The following MCF2 variants were observed in gnomAD, a reference collection of about 807,000 sequenced individuals.
The protein encoded by MCF2 is MCF.2 cell line derived transforming sequence.
MCF2 carries 44 observed loss-of-function variants against 82.5 expected under a neutral mutation model. The ratio of observed to expected loss-of-function variants is 0.53; its 90% CI spans 0.42 to 0.69. The LOEUF is 0.69. Among genes scored for constraint, MCF2 ranks in the 30% least tolerant of loss-of-function variants. The probability of loss-of-function intolerance (pLI) is 0.00; values close to 1 mark genes in which losing one functional copy is unlikely to be tolerated. For missense variants in MCF2, 623 were observed against 663.1 expected, an observed-to-expected ratio of 0.94 and a Z score of 0.66; for synonymous variants, 217 against 224.9, an observed-to-expected ratio of 0.96 and a Z score of 0.32.
chrX:139,631,828 G>A (rs958991473), intron 2 of MCF2, among the ~76,000 whole-genome samples: 1 of 111,481 alleles, frequency 9.0e-6, no homozygotes, highest in Non-Finnish European at 1.9e-5. Flanking sequence ...CAAAGAAAAG[G>A]ACTTTATGTA....
chrX:139,676,677 T>C (rs113424892), intron 1 of MCF2, among the ~76,000 whole-genome samples: 15 of 112,130 alleles, frequency 1.3e-4, no homozygotes, highest in Non-Finnish European at 2.4e-4. Flanking sequence ...CACAGGGTTA[T>C]TGTAATGAAT....
At chrX:139,596,058 T>C (rs1930063917) in intron 19 of MCF2, among the ~76,000 whole-genome samples, 1 of 111,386 alleles carries the variant, frequency 9.0e-6, no homozygotes, top group Non-Finnish European at 1.9e-5. Context: ...AGGGTGGAGC[T>C]AGGGAGTGGA....
chrX:139,701,020 A>C (rs746219393), intron 1 of MCF2, among the ~76,000 whole-genome samples: 1 of 111,642 alleles, frequency 9.0e-6, no homozygotes, highest in South Asian at 3.8e-4. Flanking sequence ...AGATCCACTC[A>C]TTATCGAAGG....
chrX:139,701,803 A>G (rs1935504286), intron 1 of MCF2, among the ~76,000 whole-genome samples: 1 of 112,794 alleles, frequency 8.9e-6, no homozygotes, highest in Non-Finnish European at 1.9e-5. Context: ...ATATACATGT[A>G]CAAATTTTAC....
At chrX:139,622,892 T>C (rs767132482) in intron 6 of MCF2, among the ~76,000 whole-genome samples, 4 of 108,187 alleles carry the variant, frequency 3.7e-5, no homozygotes, top group Non-Finnish European at 7.7e-5. Context: ...AATAATAAAA[T>C]AAAAAAAAAC....
At chrX:139,675,153 T>C (rs1410816705) in intron 1 of MCF2, among the ~76,000 whole-genome samples, 1 of 112,418 alleles carries the variant, frequency 8.9e-6, no homozygotes, top group Admixed American at 9.4e-5. Flanking sequence ...TCTTATGCCA[T>C]GGTTTTCAGC....
intron 1 of MCF2, among the ~76,000 whole-genome samples, chrX:139,656,833 A>G (rs1286128901): frequency 8.9e-6 from 1 of 112,279 alleles, no homozygotes; most frequent in Admixed American, 9.4e-5. Flanking sequence ...TTTTAAATGC[A>G]TTCACTTAGA....
intron 1 of MCF2, among the ~76,000 whole-genome samples, chrX:139,690,338 GT>G (rs145515088): frequency 9.2e-5 from 7 of 75,734 alleles, no homozygotes; most frequent in African/African-American, 2.0e-4. Flanking sequence ...CTCCAAAGGA[GT>G]TTTTTTTTTT....
intron 1 of MCF2, among the ~76,000 whole-genome samples, chrX:139,691,630 G>A (rs1183297271): frequency 9.1e-6 from 1 of 109,622 alleles, no homozygotes; most frequent in Middle Eastern, 4.3e-3. Flanking sequence ...GCTGAGACCA[G>A]AGCTGCACGC....
chrX:139,642,576 T>C, exon 1 of MCF2: 2 of 1,209,724 alleles, frequency 1.7e-6, no homozygotes, highest in Non-Finnish European at 2.2e-6. Context: ...GTTGATGAAA[T>C]ACGAGCTGCT....
intron 1 of MCF2, among the ~76,000 whole-genome samples, chrX:139,652,859 G>C (rs181903325): frequency 1.3e-4 from 14 of 108,456 alleles, no homozygotes; most frequent in Middle Eastern, 9.3e-3. Context: ...GGTTTATAAA[G>C]GACAATCCTC....
intron 15 of MCF2, among the ~76,000 whole-genome samples, chrX:139,603,845 A>T (rs1930760209): frequency 9.0e-6 from 1 of 111,186 alleles, no homozygotes; most frequent in African/African-American, 3.3e-5. Flanking sequence ...AAATAAAAAT[A>T]AAAAAATAAA....
chrX:139,584,914 A>G, intron 24 of MCF2, 152 bp downstream of exon 28: 1 of 362,147 alleles, frequency 2.8e-6, no homozygotes, highest in East Asian at 4.4e-5. Flanking sequence ...GTGCTTCCTG[A>G]TGTTCATAAT....
intron 12 of MCF2, among the ~76,000 whole-genome samples, chrX:139,606,112 A>G (rs1437632019): frequency 9.3e-6 from 1 of 106,966 alleles, no homozygotes; most frequent in Non-Finnish European, 1.9e-5. Context: ...TTTCTAACTC[A>G]CTGAGATTAG....
chrX:139,671,157 G>T (rs1217594110), intron 1 of MCF2, among the ~76,000 whole-genome samples: 5 of 111,886 alleles, frequency 4.5e-5, no homozygotes, highest in Non-Finnish European at 7.5e-5. Context: ...TTTTAATGGG[G>T]TTCTTTGTTT....
intron 1 of MCF2, among the ~76,000 whole-genome samples, chrX:139,677,238 T>C (rs1164978116): frequency 9.0e-6 from 1 of 111,590 alleles, no homozygotes; most frequent in African/African-American, 3.3e-5. Flanking sequence ...ACAGCCCACC[T>C]CAAGGGAAGA....
At chrX:139,697,586 G>T (rs778634789) in intron 1 of MCF2, among the ~76,000 whole-genome samples, 6 of 111,850 alleles carry the variant, frequency 5.4e-5, no homozygotes, top group South Asian at 3.8e-4. Flanking sequence ...TATGTTAAAT[G>T]CAAGGGAGTC....
chrX:139,602,599 G>A, intron 15 of MCF2, 101 bp from the exon 20 acceptor site: 1 of 549,238 alleles, frequency 1.8e-6, no homozygotes, highest in Non-Finnish European at 3.1e-6. Context: ...CCTAGGAAAT[G>A]TGGCCTAAAG....
At chrX:139,694,484 G>A (rs1001493512) in intron 1 of MCF2, among the ~76,000 whole-genome samples, 2 of 109,443 alleles carry the variant, frequency 1.8e-5, no homozygotes, top group Non-Finnish European at 3.8e-5. Context: ...AAATCAGTGT[G>A]ATACTAATAT....
Sources: gnomAD v4.1 joint callset for allele counts (sites outside exome capture counted in the v4.1 genomes callset) on GRCh38, gnomAD v4.1.1 for gene constraint, MANE v1.5 for transcripts, NCBI Gene and HGNC (gene_info 2026-07-23, HGNC 2026-07-21) for gene names.